NDST4: variants seen among roughly 807,000 people sequenced by gnomAD.
NDST4 encodes the protein N-heparan sulfate sulfotransferase 4.
In NDST4, 63 loss-of-function variants were observed where a neutral mutation model predicts 100.8. The observed-to-expected ratio is 0.62, with a 90% CI of 0.51 to 0.77. The LOEUF (loss-of-function observed/expected upper bound fraction) is 0.77. Ranked by LOEUF, NDST4 falls within the 30% of genes least tolerant of loss-of-function variation. The pLI, the probability that NDST4 is intolerant of heterozygous loss-of-function variation, is 0.00. For missense variants in NDST4, 943 were observed against 1,018.4 expected (o/e 0.93, Z 1.01); for synonymous variants, 377 against 361.8 (o/e 1.04, Z -0.48).
intron 6 of NDST4, among the ~76,000 whole-genome samples, chr4:114,933,047 C>T (rs905950422): frequency 6.6e-6 from 1 of 152,002 alleles, no homozygotes; most frequent in African/African-American, 2.4e-5. Context: ...AAGCTGGAGA[C>T]ATCATGTTAT....
At chr4:114,976,688 G>A (rs1333569501) in intron 3 of NDST4, among the ~76,000 whole-genome samples, 2 of 151,782 alleles carry the variant, frequency 1.3e-5, no homozygotes, top group Non-Finnish European at 2.9e-5. Flanking sequence ...TTGTTTTAGG[G>A]AAAAAATCCT....
intron 2 of NDST4, among the ~76,000 whole-genome samples, chr4:115,062,030 C>T (rs1728835626): frequency 6.6e-6 from 1 of 151,636 alleles, no homozygotes; most frequent in Non-Finnish European, 1.5e-5. Context: ...AACATTGAAA[C>T]AGAAAAGGAA....
intron 2 of NDST4, among the ~76,000 whole-genome samples, chr4:115,001,392 C>T (rs1250236263): frequency 2.0e-5 from 3 of 151,914 alleles, no homozygotes; most frequent in African/African-American, 7.3e-5. Flanking sequence ...ACTAATGCTG[C>T]GGAGAGCACA....
chr4:114,867,665 C>CAAAAAAAAAAAAAAGCAAA (rs1724061498), intron 7 of NDST4, among the ~76,000 whole-genome samples: 1 of 79,900 alleles, frequency 1.3e-5, no homozygotes, highest in African/African-American at 4.9e-5. Context: ...AAAAAAAAAG[C>CAAAAAAAAAAAAAAGCAAA]AAAAAAAAAA....
chr4:115,077,180 A>G lies in NDST4; in HGVS notation c.-144T>C. 1.3e-6 allele frequency: 1 copy of G among 756,262 alleles called. No individual in the cohort carries two copies. The highest frequency in any genetic ancestry group is 2.1e-6 in the Non-Finnish European group (1 of 483,784). 46.8% of individuals were successfully genotyped at this position (756,262 alleles called of 1,614,324 possible). A position where few individuals can be genotyped will look rare whatever the true frequency, so the allele number is the denominator to read the frequency against. ...CATGTAAAATGTTTGAAGGGAGCAC[A>G]ACTGAGTTAAAGCTGGAAGGCAATA... On this transcript the variant is annotated 5_prime_UTR_variant, in exon 2 of 14. Transcript: ENST00000264363.
chr4:115,075,813 A>G (rs1729167345), intron 2 of NDST4, among the ~76,000 whole-genome samples: 1 of 150,102 alleles, frequency 6.7e-6, no homozygotes, highest in Non-Finnish European at 1.5e-5. Context: ...AGGCAAAGAG[A>G]TTAAGTTCAC....
At chr4:115,022,138 C>T (rs942931521) in intron 2 of NDST4, among the ~76,000 whole-genome samples, 4 of 143,722 alleles carry the variant, frequency 2.8e-5, no homozygotes, top group East Asian at 2.0e-4. Context: ...ATACGTTCCA[C>T]GTCTATGCAC....
chr4:114,835,075 C>T (rs1723281344), intron 11 of NDST4, among the ~76,000 whole-genome samples: 1 of 152,112 alleles, frequency 6.6e-6, no homozygotes, highest in Non-Finnish European at 1.5e-5. Context: ...CTCTTGGATT[C>T]ATGGATTTTT....
chr4:115,021,441 C>T (rs1401110763), intron 2 of NDST4, among the ~76,000 whole-genome samples: 4 of 150,878 alleles, frequency 2.7e-5, no homozygotes, highest in Non-Finnish European at 4.4e-5. Flanking sequence ...ACACACATTC[C>T]ACATATACAC....
At position 115,040,393 on chromosome 4, in the gene NDST4, A is replaced by G. The variant is rs140917370; in HGVS notation, c.978+35666T>C. ...TACCAAAAAATCCAAGATTTTATCA[A>G]TAATCACATTGAAATTATTATTCTA... On this transcript the variant is annotated intron_variant, in intron 2 of 13. Transcript: ENST00000264363. 2.3e-3 allele frequency among the ~76,000 whole-genome samples: 341 copies of G among 150,642 alleles called. 1 individual carries two copies. Among genetic ancestry groups the G allele is most frequent in the African/African-American group, 8.0e-3 (328 of 40,964 alleles).
intron 2 of NDST4, among the ~76,000 whole-genome samples, chr4:114,989,661 G>A (rs547232975): frequency 6.6e-6 from 1 of 152,268 alleles, no homozygotes; most frequent in Admixed American, 6.5e-5. Flanking sequence ...AGCTGGAGAA[G>A]AATGAAATAG....
In NDST4 at chr4:114,827,983, A is replaced by G. The variant is rs776150257; in HGVS notation, c.2500-48T>C. 1.9e-6 allele frequency: 3 copies of G among 1,547,208 alleles called. No homozygotes were observed. In the Admixed American group the frequency reaches 6.1e-5, roughly 31 times the overall value. On this transcript the variant is annotated intron_variant, in intron 13 of 13. Coordinates refer to ENST00000264363, the MANE Select transcript of NDST4 (RefSeq NM_022569.3). ...TTGAAAGAAGCTCTTTGTTTCATCAAACAGGATATTGTAATCTATATTTCT... is the reference window on the plus strand; with the variant it reads ...TTGAAAGAAGCTCTTTGTTTCATCAGACAGGATATTGTAATCTATATTTCT...
Position 115,076,563 on chromosome 4 carries a change from A to G in NDST4, c.474T>C (p.Ser158=). 2 of 1,613,932 alleles carry G rather than the reference A, an allele frequency of 1.2e-6. No homozygotes were observed. The highest frequency in any genetic ancestry group is 1.7e-6 in the Non-Finnish European group (2 of 1,179,950). ...CTTTATGAAAACCGATTATACTAAC[A>G]CTGTATTCCACACAGTATTTTTCTA... is the stretch of plus-strand genomic sequence containing the variant. ...ELLEKYCVEY[S]VSIIGFHKAN... is the part of the protein sequence containing the mutation. Residue 158 remains serine (S), a synonymous_variant, in exon 2 of 14, where the codon AGT becomes AGC. Coordinates refer to ENST00000264363, the MANE Select transcript of NDST4 (RefSeq NM_022569.3).
At chr4:114,999,168 T>G (rs1456433677) in intron 2 of NDST4, among the ~76,000 whole-genome samples, 1 of 152,084 alleles carries the variant, frequency 6.6e-6, no homozygotes, top group East Asian at 1.9e-4. Context: ...TAATTAGTTG[T>G]GCGTTTTTGT....
At chr4:115,043,561 A>G (rs1728399078) in intron 2 of NDST4, among the ~76,000 whole-genome samples, 1 of 152,078 alleles carries the variant, frequency 6.6e-6, no homozygotes, top group African/African-American at 2.4e-5. Context: ...TGAGGAAGAT[A>G]AGAACATAGG....
chr4:115,076,459 C>T lies in NDST4; in HGVS notation c.578G>A (p.Cys193Tyr), dbSNP rs376563244. 3.1e-6 allele frequency: 5 copies of T among 1,613,946 alleles called. No individual in the cohort carries two copies. Among genetic ancestry groups the T allele is most frequent in the East Asian group, 2.2e-5 (1 of 44,790 alleles). The change falls in exon 2 of 14, where the codon TGT becomes TAT. Residue 193 changes from cysteine to tyrosine, a missense_variant. Cys to Tyr is a radical substitution (Grantham distance 194, BLOSUM62 -2). This residue lies in a region of NDST4 where 417 missense variants were observed against 384.2 expected (regional missense o/e 1.09). Transcript: ENST00000264363. ...CAAAGGAGATTGAGGGTTAACAAAA[C>T]AGTCCTTTAGAGCTAGATTATTGAA... ...NLFNNLALKDCFVNPQSPLLH... is the reference protein window; with the variant it reads ...NLFNNLALKDYFVNPQSPLLH...
intron 2 of NDST4, among the ~76,000 whole-genome samples, chr4:115,052,896 G>A (rs1250010951): frequency 6.6e-6 from 1 of 152,082 alleles, no homozygotes; most frequent in African/African-American, 2.4e-5. Flanking sequence ...CGAAAAAACA[G>A]TAGTCACTGT....
chr4:114,834,807 G>A (rs146055666), intron 11 of NDST4, among the ~76,000 whole-genome samples: 3,056 of 152,248 alleles, frequency 0.02, 50 homozygotes, highest in Middle Eastern at 0.037. Context: ...GGTCTATTCA[G>A]GGATTTGACT....
At chr4:115,061,384 C>T (rs1365276600) in intron 2 of NDST4, among the ~76,000 whole-genome samples, 1 of 152,038 alleles carries the variant, frequency 6.6e-6, no homozygotes, top group Non-Finnish European at 1.5e-5. Flanking sequence ...TAATGCCCAT[C>T]AGTGATAGGC....
Sources: gnomAD v4.1 joint callset for allele counts (sites outside exome capture counted in the v4.1 genomes callset) on GRCh38, gnomAD v4.1.1 for gene constraint, gnomAD v4.1.1 regional missense constraint, MANE v1.5 for transcripts, NCBI Gene and HGNC (gene_info 2026-07-23, HGNC 2026-07-21) for gene names.